FAM110A: variants seen among roughly 807,000 people sequenced by gnomAD.
FAM110A encodes protein FAM110A.
In FAM110A, 1 loss-of-function variant was observed where a neutral mutation model predicts 4.0. The observed-to-expected ratio is 0.25, with a 90% CI of 0.09 to 1.20. FAM110A has a LOEUF of 1.20. Ranked by LOEUF, FAM110A falls within the 50% of genes most tolerant of loss-of-function variation. FAM110A has a pLI of 0.50. For synonymous variants in FAM110A, 217 were observed against 196.8 expected (o/e 1.10, Z -0.86); for missense variants, 436 against 429.2 (o/e 1.02, Z -0.14).
chr20:835,200 C>A (rs6055213), intron 1 of FAM110A, among the ~76,000 whole-genome samples: 82,101 of 140,256 alleles, frequency 0.59, 24,896 homozygotes, highest in African/African-American at 0.75. Context: ...CTCTCTCTCT[C>A]TATATATATA....
intron 1 of FAM110A, among the ~76,000 whole-genome samples, chr20:841,586 G>A (rs1979918685): frequency 6.6e-6 from 1 of 152,196 alleles, no homozygotes; most frequent in African/African-American, 2.4e-5. Context: ...GCCAGCCTGG[G>A]GATCTGAGTT....
At chr20:839,316 G>A (rs1486770819) in intron 1 of FAM110A, 4 of 420,562 alleles carry the variant, frequency 9.5e-6, no homozygotes, top group Admixed American at 5.9e-5. Context: ...CAGGGTAGGT[G>A]TGAGGATTAA....
Position 840,493 on chromosome 20 carries a change from C to T in FAM110A, c.-97-4215C>T, listed in dbSNP as rs1183812928. Among the ~76,000 whole-genome samples the T allele has an allele frequency of 1.3e-5, 2 of 152,210 alleles. No individual in the cohort carries two copies. Among genetic ancestry groups the T allele is most frequent in the East Asian group, 1.9e-4 (1 of 5,198 alleles). On this transcript the variant is annotated intron_variant, in intron 1 of 1. Coordinates refer to ENST00000381941, the MANE Select transcript of FAM110A (RefSeq NM_001042353.3). This position sits in a 1 kb window ranked among gnomAD's most constrained non-coding sequence, Gnocchi z 4.4. ...ACCTCCCTCTGGGAATTCCTTCCTG[C>T]AGGGCTGCAGTCTCATGGGATTAAA...
chr20:844,473 C>T (rs1980128491), intron 1 of FAM110A, among the ~76,000 whole-genome samples: 1 of 151,498 alleles, frequency 6.6e-6, no homozygotes, highest in Non-Finnish European at 1.5e-5. Context: ...TCTCTAGCAC[C>T]TTTTTTCCTC....
chr20:845,050 C>T lies in FAM110A; in HGVS notation c.246C>T (p.Arg82=). ...SKQPLFSPET[R]RTVLTPSRRA... is the part of the protein sequence containing the mutation. ...AGCCGCTCTTTAGCCCTGAGACTCG[C>T]CGCACAGTGCTCACGCCCAGCCGCC... The change falls in exon 2 of 2, where the codon CGC becomes CGT. Residue 82 remains arginine (R), a synonymous_variant. Transcript: ENST00000381941. 6 of 1,593,590 alleles carry T rather than the reference C, an allele frequency of 3.8e-6. No individual in the cohort carries two copies. Among genetic ancestry groups the T allele is most frequent in the Non-Finnish European group, 4.3e-6 (5 of 1,171,136 alleles).
rs148184493 is a variant in FAM110A at position 838,415 on chromosome 20, C to T, written c.-98+4464C>T. Among the ~76,000 whole-genome samples the T allele has an allele frequency of 5.9e-4, 90 of 152,230 alleles. No individual in the cohort carries two copies. The East Asian group carries it at 6.8e-3, about 11-fold the overall frequency. On this transcript the variant is annotated intron_variant, in intron 1 of 1. Coordinates refer to ENST00000381941, the MANE Select transcript of FAM110A (RefSeq NM_001042353.3). ...GGGTCCAGAACAGCCGGTTGTTCAA[C>T]GGTATTTCCTCGTGTTTGGTCCCTG...
At chr20:839,576 G>A (rs757366604) in intron 1 of FAM110A, 27 of 1,012,030 alleles carry the variant, frequency 2.7e-5, no homozygotes, top group Non-Finnish European at 3.9e-5. Context: ...AGGTATCTCT[G>A]TCAGCTTCCC....
In FAM110A at chr20:845,442, C is replaced by G; in HGVS notation, c.638C>G (p.Pro213Arg). The change falls in exon 2 of 2, where the codon CCG becomes CGG. Residue 213 changes from proline (P) to arginine (R), a missense_variant. By Grantham distance (103) the Pro-to-Arg change is moderately radical. Transcript: ENST00000381941. Reference protein sequence around the residue: ...ERFFNFCGLDPEEARGLGVAH... With the variant: ...ERFFNFCGLDREEARGLGVAH... ...TTTTTTAACTTCTGCGGCCTGGACC[C>G]GGAGGAGGCGAGAGGGTTGGGTGTG... 1 of 1,613,698 alleles carries G rather than the reference C, an allele frequency of 6.2e-7. No individual in the cohort carries two copies.
intron 1 of FAM110A, among the ~76,000 whole-genome samples, chr20:837,524 C>T (rs1979645742): frequency 1.3e-5 from 2 of 152,166 alleles, no homozygotes; most frequent in Admixed American, 1.3e-4. Context: ...CATGCATGGA[C>T]CTCATGCAGA....
intron 1 of FAM110A, among the ~76,000 whole-genome samples, chr20:842,536 G>C (rs1364846368): frequency 6.6e-6 from 1 of 152,116 alleles, no homozygotes; most frequent in African/African-American, 2.4e-5. Context: ...GGCCCTGGTG[G>C]AGCGAGGCTT....
intron 1 of FAM110A, 92 bp from the exon 2 acceptor site, chr20:844,616 T>G (rs1256742724): frequency 3.4e-6 from 3 of 873,380 alleles, no homozygotes; most frequent in Admixed American, 3.9e-5. Flanking sequence ...TACCTTATAA[T>G]AGGGAGGGCG....
Position 845,380 on chromosome 20 carries a change from C to T in FAM110A, c.576C>T (p.Ser192=), listed in dbSNP as rs2122704707. The change falls in exon 2 of 2, where the codon AGC becomes AGT. Residue 192 remains serine, a synonymous_variant. Transcript: ENST00000381941. ...PGLQRSKSDL[S]ERFSRAAADL... is the part of the protein sequence containing the mutation. ...TGCAACGCTCCAAGTCGGACTTGAGCGAGCGCTTTTCTAGGGCAGCCGCTG... is the reference window on the plus strand; with the variant it reads ...TGCAACGCTCCAAGTCGGACTTGAGTGAGCGCTTTTCTAGGGCAGCCGCTG... The T allele has an allele frequency of 1.9e-6, 3 of 1,612,880 alleles. No homozygotes were observed. Among genetic ancestry groups the T allele is most frequent in the East Asian group, 2.2e-5 (1 of 44,880 alleles).
chr20:836,530 G>A (rs1219049607), intron 1 of FAM110A, among the ~76,000 whole-genome samples: 1 of 151,808 alleles, frequency 6.6e-6, no homozygotes, highest in Non-Finnish European at 1.5e-5. Context: ...GTTGTTGTAT[G>A]TGTTAGAATT....
intron 1 of FAM110A, among the ~76,000 whole-genome samples, chr20:836,713 T>C (rs1290934684): frequency 6.6e-6 from 1 of 152,224 alleles, no homozygotes; most frequent in African/African-American, 2.4e-5. Context: ...TTGTTTTGGG[T>C]ATACACTCAG....
intron 1 of FAM110A, 23 bp from the exon 2 acceptor site, chr20:844,685 T>C: frequency 7.7e-7 from 1 of 1,300,020 alleles, no homozygotes; most frequent in Non-Finnish European, 9.7e-7. Flanking sequence ...CTTTTTTTTT[T>C]TTTTCTCTCT....
chr20:844,636 C>A, intron 1 of FAM110A, 72 bp from the exon 2 acceptor site: 1 of 1,147,606 alleles, frequency 8.7e-7, no homozygotes, highest in Non-Finnish European at 1.1e-6. Context: ...GTCTTATCCT[C>A]TCAGCCGCGG....
chr20:844,972 CCTGCA>C lies in FAM110A; in HGVS notation c.170_174del (p.Leu57ArgfsTer20). 1 of 1,595,902 alleles carries C rather than the reference CCTGCA, an allele frequency of 6.3e-7. No homozygotes were observed. Among genetic ancestry groups the C allele is most frequent in the Non-Finnish European group, 8.5e-7 (1 of 1,172,044 alleles). On this transcript the variant is annotated frameshift_variant, in exon 2 of 2. Coordinates refer to ENST00000381941, the MANE Select transcript of FAM110A (RefSeq NM_001042353.3). LOFTEE classifies it high-confidence loss of function. ...CCGACAAGGCCAAGTACGTCAAGAG[CCTGCA>C]CGTGGCCAACACCCGCCAGGAGCCT...
rs559303619 is a variant in FAM110A, at chr20:839,625, T to C, written c.-97-5083T>C. ...TGCAGGTCGCTTACCCTCCAGACCT[T>C]TAGGCCGAGGCCTGCCAGTCTCTGG... On this transcript the variant is annotated intron_variant, in intron 1 of 1. Transcript: ENST00000381941. 25 of 1,146,152 alleles carry C rather than the reference T, an allele frequency of 2.2e-5. No homozygotes were observed. In the South Asian group the frequency reaches 2.6e-4, roughly 12 times the overall value. The allele number at this position is 1,146,152 out of a possible 1,614,324, so 71.0% of individuals were successfully genotyped here.
intron 1 of FAM110A, among the ~76,000 whole-genome samples, chr20:841,070 C>T (rs1369297345): frequency 1.3e-5 from 2 of 152,140 alleles, no homozygotes; most frequent in South Asian, 2.1e-4. Context: ...GGGCGGGTCT[C>T]GGCTCCCGGA....
Sources: allele counts gnomAD v4.1 joint callset (sites outside exome capture counted in the v4.1 genomes callset), GRCh38; gene constraint gnomAD v4.1.1; non-coding constraint Gnocchi (gnomAD v3.1); transcripts MANE v1.5; gene names NCBI Gene and HGNC (gene_info 2026-07-23, HGNC 2026-07-21).